TNIK: variants seen among roughly 807,000 people sequenced by gnomAD.
The protein encoded by TNIK is TRAF2 and NCK interacting kinase.
In TNIK, 49 loss-of-function variants were observed where a neutral mutation model predicts 191.3. The ratio of observed to expected loss-of-function variants is 0.26; its 90% CI spans 0.20 to 0.32. TNIK has a LOEUF of 0.32. Ranked by LOEUF, TNIK falls within the 10% of genes least tolerant of loss-of-function variation. The probability of loss-of-function intolerance (pLI) is 1.00; values close to 1 mark genes in which losing one functional copy is unlikely to be tolerated. For synonymous variants in TNIK, 594 were observed against 600.9 expected, an observed-to-expected ratio of 0.99 and a Z score of 0.17; for missense variants, 1,155 against 1,702.3, an observed-to-expected ratio of 0.68 and a Z score of 5.66.
chr3:171,391,140 C>T (rs1187631607), intron 1 of TNIK, among the ~76,000 whole-genome samples: 1 of 152,180 alleles, frequency 6.6e-6, no homozygotes, highest in Non-Finnish European at 1.5e-5. Flanking sequence ...ATGTGAGATG[C>T]ATTTATCTCA....
chr3:171,101,636 A>G lies in TNIK; in HGVS notation c.2407-3T>C, dbSNP rs1288379739. On this transcript the variant is annotated splice_region_variant and splice_polypyrimidine_tract_variant and intron_variant, in intron 21 of 32. Coordinates refer to ENST00000436636, the MANE Select transcript of TNIK (RefSeq NM_015028.4). ...TCTTTGGCTAATGCCGTCAGATCCT[A>G]TGAAAGAAAAATTTGTTCAGCATAT... 4 of 1,611,850 alleles carry G rather than the reference A, an allele frequency of 2.5e-6. No homozygotes were observed. In the African/African-American group the frequency reaches 5.3e-5, roughly 22 times the overall value.
chr3:171,154,042 C>T (rs888656916), intron 12 of TNIK, among the ~76,000 whole-genome samples: 5 of 152,260 alleles, frequency 3.3e-5, no homozygotes, highest in Admixed American at 3.3e-4. Flanking sequence ...CAAATGATGA[C>T]CTACAGACCC....
chr3:171,065,450 G>C (rs1335038814), intron 32 of TNIK, among the ~76,000 whole-genome samples: 1 of 152,232 alleles, frequency 6.6e-6, no homozygotes, highest in African/African-American at 2.4e-5. Flanking sequence ...GTTTATGTCT[G>C]TGGCTTTGGG....
intron 3 of TNIK, among the ~76,000 whole-genome samples, chr3:171,217,219 T>C (rs1358841579): frequency 6.6e-6 from 1 of 152,122 alleles, no homozygotes; most frequent in East Asian, 1.9e-4. Context: ...TATGCAGCCA[T>C]AAAAATGAAT....
At chr3:171,119,185 G>GA (rs1727263491) in intron 18 of TNIK, among the ~76,000 whole-genome samples, 1 of 152,192 alleles carries the variant, frequency 6.6e-6, no homozygotes, top group African/African-American at 2.4e-5. Context: ...AAAGACACAT[G>GA]AAAAAATGCA....
At chr3:171,180,935 TA>T (rs1188756367) in intron 7 of TNIK, among the ~76,000 whole-genome samples, 1 of 152,206 alleles carries the variant, frequency 6.6e-6, no homozygotes, top group African/African-American at 2.4e-5. Flanking sequence ...TTCAGTGAGG[TA>T]CTCCAGTTTC....
At chr3:171,278,835 T>C (rs1420350913) in intron 2 of TNIK, among the ~76,000 whole-genome samples, 4 of 152,240 alleles carry the variant, frequency 2.6e-5, no homozygotes, top group Non-Finnish European at 5.9e-5. Context: ...TTTTATTCCA[T>C]ATCTGGGATT....
intron 1 of TNIK, among the ~76,000 whole-genome samples, chr3:171,424,150 AC>A (rs1235918904): frequency 6.6e-6 from 1 of 152,150 alleles, no homozygotes; most frequent in Non-Finnish European, 1.5e-5. Flanking sequence ...AAAACAAACA[AC>A]CCCATCAACA....
intron 32 of TNIK, 53 bp from the exon 33 acceptor site, chr3:171,064,017 T>G (rs1305420968): frequency 1.3e-6 from 2 of 1,549,962 alleles, no homozygotes; most frequent in Non-Finnish European, 1.8e-6. Context: ...TTCCCCTCTT[T>G]TCTTCAACCG....
At chr3:171,323,108 G>A (rs1577476247) in intron 2 of TNIK, among the ~76,000 whole-genome samples, 1 of 152,146 alleles carries the variant, frequency 6.6e-6, no homozygotes, top group Admixed American at 6.5e-5. Context: ...TGCTACAAGA[G>A]CGGTAGTTGA....
chr3:171,081,169 TAAACTC>T (rs1378509301), intron 27 of TNIK, among the ~76,000 whole-genome samples: 2 of 152,162 alleles, frequency 1.3e-5, no homozygotes, highest in Non-Finnish European at 2.9e-5. Flanking sequence ...TACATGGGAT[TAAACTC>T]AAATGGCAAT....
At chr3:171,356,265 C>T (rs1020150773) in intron 2 of TNIK, among the ~76,000 whole-genome samples, 13 of 152,042 alleles carry the variant, frequency 8.6e-5, no homozygotes, top group African/African-American at 1.7e-4. Flanking sequence ...TTCTGAGAAA[C>T]GAGGCAACCA....
chr3:171,188,630 G>A (rs1208768495), intron 7 of TNIK, 72 bp downstream of exon 7: 3 of 1,554,450 alleles, frequency 1.9e-6, no homozygotes, highest in African/African-American at 2.7e-5. Flanking sequence ...TAAATATAAG[G>A]GCATGTAAGA....
intron 4 of TNIK, among the ~76,000 whole-genome samples, chr3:171,210,497 C>T (rs1391788276): frequency 1.3e-5 from 2 of 152,166 alleles, no homozygotes; most frequent in Non-Finnish European, 2.9e-5. Flanking sequence ...TGGCACATAC[C>T]TAAGTGGACT....
rs1305025850 is a variant in TNIK, at chr3:171,063,724, GGAC to G, written c.*154_*156del. The G allele has an allele frequency of 1.6e-6, 1 of 606,976 alleles. No homozygotes were observed. Among genetic ancestry groups the G allele is most frequent in the Non-Finnish European group, 2.7e-6 (1 of 364,588 alleles). The allele number at this position is 606,976 out of a possible 1,614,324, so 37.6% of individuals were successfully genotyped here. ...CAACCAGGCTGCAACATTGAAAGAT[GGAC>G]TGTACTGGGAGGGGCGGAGGGAGAG... is the stretch of plus-strand genomic sequence containing the variant. On this transcript the variant is annotated 3_prime_UTR_variant, in exon 33 of 33. Transcript: ENST00000436636.
chr3:171,303,338 T>C (rs997009408), intron 2 of TNIK, among the ~76,000 whole-genome samples: 4 of 152,214 alleles, frequency 2.6e-5, no homozygotes, highest in African/African-American at 9.6e-5. Flanking sequence ...TGGCCTAATA[T>C]ATGACATTAG....
At chr3:171,089,551 A>C (rs1721800593) in intron 23 of TNIK, among the ~76,000 whole-genome samples, 1 of 152,206 alleles carries the variant, frequency 6.6e-6, no homozygotes, top group Non-Finnish European at 1.5e-5. Flanking sequence ...CAGAGAGGCT[A>C]ACAAGGGGAA....
At chr3:171,207,234 A>T (rs1409169757) in intron 4 of TNIK, among the ~76,000 whole-genome samples, 2 of 151,990 alleles carry the variant, frequency 1.3e-5, no homozygotes, top group African/African-American at 4.8e-5. Context: ...TCTATTTCCA[A>T]TTTTTTCAGA....
At chr3:171,395,282 T>C (rs1024919370) in intron 1 of TNIK, among the ~76,000 whole-genome samples, 9 of 152,182 alleles carry the variant, frequency 5.9e-5, no homozygotes, top group Non-Finnish European at 1.0e-4. Context: ...TTCTGAACAA[T>C]TTACTTAATC....
Sources: gnomAD v4.1 joint callset for allele counts (sites outside exome capture counted in the v4.1 genomes callset) on GRCh38, gnomAD v4.1.1 for gene constraint, MANE v1.5 for transcripts, NCBI Gene and HGNC (gene_info 2026-07-23, HGNC 2026-07-21) for gene names.